The following PAK1 variants were observed in gnomAD, a reference collection of about 807,000 sequenced individuals.
PAK1 encodes p21 (RAC1) activated kinase 1.
Under a neutral mutation model 67.4 loss-of-function variants are expected in PAK1, and 29 were observed. That is an observed-to-expected ratio of 0.43 (90% CI 0.32 to 0.59). PAK1 has a LOEUF of 0.59. PAK1 is among the 20% of genes least tolerant of loss of function. The probability of loss-of-function intolerance (pLI) is 0.07; values close to 1 mark genes in which losing one functional copy is unlikely to be tolerated. For missense variants in PAK1, 337 were observed against 670.7 expected, an observed-to-expected ratio of 0.50 and a Z score of 5.50; for synonymous variants, 223 against 237.4, an observed-to-expected ratio of 0.94 and a Z score of 0.56.
At chr11:77,441,657 CTT>C (rs1441151132) in intron 1 of PAK1, among the ~76,000 whole-genome samples, 2 of 152,170 alleles carry the variant, frequency 1.3e-5, no homozygotes, top group Admixed American at 1.3e-4. Flanking sequence ...GAGAACATGA[CTT>C]AGGATCACAT....
intron 5 of PAK1, among the ~76,000 whole-genome samples, chr11:77,365,019 T>C (rs1340491934): frequency 1.3e-5 from 2 of 151,578 alleles, no homozygotes; most frequent in Non-Finnish European, 2.9e-5. Flanking sequence ...GAGGCCAAGG[T>C]GGGCGGATCA....
chr11:77,499,460 G>C, the PAK1 span, among the ~76,000 whole-genome samples: 1 of 152,088 alleles, frequency 6.6e-6, no homozygotes, highest in Non-Finnish European at 1.5e-5. Context: ...CAGTTTTAGA[G>C]ATGTCTTCAC....
the PAK1 span, among the ~76,000 whole-genome samples, chr11:77,489,817 A>C: frequency 3.9e-5 from 6 of 152,178 alleles, no homozygotes; most frequent in Admixed American, 1.3e-4. Context: ...ACCTCCCAGC[A>C]GCCTGCCTTG....
intron 1 of PAK1, among the ~76,000 whole-genome samples, chr11:77,461,557 T>C (rs1208955040): frequency 1.3e-5 from 2 of 152,108 alleles, no homozygotes; most frequent in African/African-American, 4.8e-5. Context: ...AATTTTACAA[T>C]GAAGACTAAA....
chr11:77,373,450 T>C lies in PAK1; in HGVS notation c.477+878A>G, dbSNP rs563527939. ...TGGCTTATACCTGTAGTCCCAGCTA[T>C]TCAGAGGGCTGGGGCAGGAGCATCA... On this transcript the variant is annotated intron_variant, in intron 5 of 14. Transcript: ENST00000356341. 3.3e-5 allele frequency among the ~76,000 whole-genome samples: 5 copies of C among 151,960 alleles called. No homozygotes were observed. In the East Asian group the frequency reaches 7.7e-4, roughly 24 times the overall value.
At chr11:77,528,587 C>T in the PAK1 span, among the ~76,000 whole-genome samples, 1 of 152,138 alleles carries the variant, frequency 6.6e-6, no homozygotes, top group Non-Finnish European at 1.5e-5. Flanking sequence ...TCAAGCAATC[C>T]TCCCACCTAG....
intron 1 of PAK1, among the ~76,000 whole-genome samples, chr11:77,422,885 A>C (rs1049013115): frequency 6.6e-6 from 1 of 152,134 alleles, no homozygotes; most frequent in African/African-American, 2.4e-5. Context: ...TGAGGTCATA[A>C]GTACAAGAGT....
chr11:77,408,877 GA>G (rs1401448968), intron 1 of PAK1, among the ~76,000 whole-genome samples: 1 of 152,038 alleles, frequency 6.6e-6, no homozygotes, highest in Non-Finnish European at 1.5e-5. Context: ...ACAGGTACAT[GA>G]AAAAAATGCT....
the PAK1 span, among the ~76,000 whole-genome samples, chr11:77,512,039 C>A: frequency 6.6e-6 from 1 of 152,152 alleles, no homozygotes; most frequent in Non-Finnish European, 1.5e-5. Flanking sequence ...GGTCCCCTCA[C>A]TTTATGTTCT....
chr11:77,346,914 C>T, intron 9 of PAK1: 2 of 421,384 alleles, frequency 4.7e-6, no homozygotes, highest in South Asian at 3.5e-5. Context: ...TAAAAACACA[C>T]TTGAAAAATA....
intron 2 of PAK1, among the ~76,000 whole-genome samples, chr11:77,386,731 T>C (rs939283969): frequency 1.3e-5 from 2 of 152,174 alleles, no homozygotes; most frequent in Non-Finnish European, 2.9e-5. Context: ...CTAGAAATTC[T>C]GACTCCAAAG....
the PAK1 span, among the ~76,000 whole-genome samples, chr11:77,481,866 T>C: frequency 6.6e-6 from 1 of 152,190 alleles, no homozygotes. Flanking sequence ...TTTTACTCGC[T>C]ACTATATCTC....
intron 1 of PAK1, among the ~76,000 whole-genome samples, chr11:77,431,230 T>C (rs1294027266): frequency 2.5e-4 from 38 of 152,224 alleles, no homozygotes; most frequent in Admixed American, 2.5e-3. Flanking sequence ...TTTACAACAT[T>C]TACAAGATAA....
At chr11:77,472,335 A>G (rs1305012917) in intron 1 of PAK1, among the ~76,000 whole-genome samples, 1 of 152,152 alleles carries the variant, frequency 6.6e-6, no homozygotes, top group Non-Finnish European at 1.5e-5. Flanking sequence ...TATGCACCTG[A>G]CTTAGAATTT....
intron 1 of PAK1, among the ~76,000 whole-genome samples, chr11:77,439,742 G>A (rs1169137220): frequency 6.6e-6 from 1 of 152,064 alleles, no homozygotes; most frequent in African/African-American, 2.4e-5. Flanking sequence ...CTCTTTTCTG[G>A]GTTTAACATA....
intron 2 of PAK1, among the ~76,000 whole-genome samples, chr11:77,388,646 C>T (rs1427495259): frequency 6.6e-6 from 1 of 152,232 alleles, no homozygotes; most frequent in Non-Finnish European, 1.5e-5. Context: ...AGCCACCGTG[C>T]CTGGCCAGTT....
the PAK1 span, among the ~76,000 whole-genome samples, chr11:77,486,986 T>C: frequency 4.7e-4 from 71 of 152,260 alleles, 2 homozygotes; most frequent in East Asian, 0.013. Context: ...AGGAAATGCT[T>C]GCACCACCTC....
chr11:77,366,593 T>G (rs967213952), intron 5 of PAK1, among the ~76,000 whole-genome samples: 1 of 152,198 alleles, frequency 6.6e-6, no homozygotes, highest in African/African-American at 2.4e-5. Context: ...AATAAGCACA[T>G]GAAAAGATGC....
the PAK1 span, among the ~76,000 whole-genome samples, chr11:77,506,283 C>T: frequency 6.6e-6 from 1 of 152,118 alleles, no homozygotes; most frequent in African/African-American, 2.4e-5. Context: ...AAATTTAACC[C>T]CACAACGACA....
Sources: allele counts gnomAD v4.1 joint callset (sites outside exome capture counted in the v4.1 genomes callset), GRCh38; gene constraint gnomAD v4.1.1; transcripts MANE v1.5; gene names NCBI Gene and HGNC (gene_info 2026-07-23, HGNC 2026-07-21).